Variants in PIEZO1 observed in about 807,000 individuals in gnomAD.
PIEZO1 encodes the protein piezo type mechanosensitive ion channel component 1 (Er blood group), also known as piezo-type mechanosensitive ion channel component 1.
PIEZO1 carries 296 observed loss-of-function variants against 297.2 expected under a neutral mutation model. The ratio of observed to expected loss-of-function variants is 1.00; its 90% CI spans 0.91 to 1.10. The LOEUF (loss-of-function observed/expected upper bound fraction) is 1.10, where lower values mean the gene tolerates loss of function less well. Among genes scored for constraint, PIEZO1 ranks in the 50% least tolerant of loss-of-function variants. The pLI is 0.00. For synonymous variants in PIEZO1, 2,427 were observed against 1,507.5 expected (o/e 1.61, Z -14.13); for missense variants, 5,018 against 3,455.5 (o/e 1.45, Z -11.34).
intron 1 of PIEZO1, among the ~76,000 whole-genome samples, chr16:88,782,119 TC>T (rs1907964464): frequency 6.6e-6 from 1 of 152,200 alleles, no homozygotes; most frequent in African/African-American, 2.4e-5. Context: ...CCCTTTTTTT[TC>T]CTTTTTCTTT....
intron 19 of PIEZO1, chr16:88,732,995 G>C (rs1378744705): frequency 1.7e-6 from 1 of 581,756 alleles, no homozygotes; most frequent in Non-Finnish European, 3.1e-6. Flanking sequence ...AGAGATGCCT[G>C]ACTGTCTCTC....
rs781333252 is a variant in PIEZO1 at position 88,720,651 on chromosome 16, C to A, written c.5766G>T (p.Ala1922=). ...AGAAGCCCTGCAGCCGCCGCCCGGCCGCCCTTACTCTTCCTCCAGAGCGGC... is the reference window on the plus strand; with the variant it reads ...AGAAGCCCTGCAGCCGCCGCCCGGCAGCCCTTACTCTTCCTCCAGAGCGGC... The part of the protein sequence containing the change: ...RPSRSGGRVR[A]AGRRLQGFCL... Residue 1922 remains alanine, a synonymous_variant, in exon 40 of 51, where the codon GCG becomes GCT. Transcript: ENST00000301015. The A allele has an allele frequency of 1.3e-6, 2 of 1,547,912 alleles. No homozygotes were observed. The highest frequency in any genetic ancestry group is 1.7e-6 in the Non-Finnish European group (2 of 1,145,874).
intron 2 of PIEZO1, chr16:88,742,978 G>A: frequency 2.3e-6 from 1 of 444,284 alleles, no homozygotes; most frequent in Admixed American, 2.4e-5. Context: ...GCCTATGCAT[G>A]GTACCCAGTC....
intron 2 of PIEZO1, chr16:88,743,496 A>G (rs1262841023): frequency 4.4e-6 from 2 of 454,188 alleles, no homozygotes; most frequent in Non-Finnish European, 8.9e-6. Context: ...GACAGGTAGC[A>G]TCTGGGTCTG....
Position 88,725,683 on chromosome 16 carries a change from C to G in PIEZO1, c.3970G>C (p.Gly1324Arg). 6.6e-7 allele frequency: 1 copy of G among 1,526,638 alleles called. No individual in the cohort carries two copies. Among genetic ancestry groups the G allele is most frequent in the Non-Finnish European group, 8.9e-7 (1 of 1,125,478 alleles). 94.6% of individuals were successfully genotyped at this position (1,526,638 alleles called of 1,614,324 possible). ...TTGGCAGCGTTGTAGAGGGCGAAGC[C>G]CCTGTAGGGAGGCGGGGATGGGGTG... The part of the protein sequence containing the change: ...LQATALLASR[G>R]FALYNAANLK... Residue 1324 changes from glycine to arginine, a missense_variant and splice_region_variant, in exon 28 of 51, where the codon GGC (glycine) becomes CGC (arginine). Gly to Arg is a moderately radical substitution (Grantham distance 125). Coordinates refer to ENST00000301015, the MANE Select transcript of PIEZO1 (RefSeq NM_001142864.4).
chr16:88,722,120 G>T, intron 36 of PIEZO1, 54 bp from the exon 37 acceptor site: 2 of 1,525,274 alleles, frequency 1.3e-6, no homozygotes, highest in Middle Eastern at 2.3e-4. Flanking sequence ...AAGGCATGAC[G>T]GCCCGATCTG....
At chr16:88,752,422 C>A (rs1262623860) in intron 1 of PIEZO1, among the ~76,000 whole-genome samples, 1 of 152,188 alleles carries the variant, frequency 6.6e-6, no homozygotes, top group East Asian at 1.9e-4. Context: ...GCTGAGGCCG[C>A]AGTGAGCCAT....
chr16:88,717,531 A>T (rs767211731), intron 44 of PIEZO1: 2 of 525,760 alleles, frequency 3.8e-6, no homozygotes, highest in Admixed American at 2.3e-5. Context: ...ATGTGCCAAA[A>T]TTTACCTCAA....
rs141453318 is a variant in PIEZO1 at position 88,762,626 on chromosome 16, G to T, written c.65-13147C>A. Among the ~76,000 whole-genome samples, 161 of 152,338 alleles carry T rather than the reference G, an allele frequency of 1.1e-3. 2 individuals are homozygous for T. Among genetic ancestry groups the T allele is most frequent in the African/African-American group, 3.8e-3 (157 of 41,566 alleles). On this transcript the variant is annotated intron_variant, in intron 1 of 50. Coordinates refer to ENST00000301015, the MANE Select transcript of PIEZO1 (RefSeq NM_001142864.4). Reference sequence around the variant, plus strand: ...CACCCGTGGCAGCCAAGGCAAGGAAGGGGCAGCCTCTCGGGTCTCCCGGCA... The same window carrying T: ...CACCCGTGGCAGCCAAGGCAAGGAATGGGCAGCCTCTCGGGTCTCCCGGCA...
intron 1 of PIEZO1, among the ~76,000 whole-genome samples, chr16:88,769,120 T>C (rs1388865846): frequency 2.0e-5 from 3 of 152,244 alleles, no homozygotes. Context: ...TTGGAATATT[T>C]GCACACGCAT....
At chr16:88,742,882 C>T (rs1054634210) in intron 2 of PIEZO1, 1 of 368,080 alleles carries the variant, frequency 2.7e-6, no homozygotes, top group Non-Finnish European at 5.5e-6. Flanking sequence ...GGGAGCAGGG[C>T]CATGATGGCT....
rs1386090024 is a variant in PIEZO1, at chr16:88,734,510, T to C, written c.2026A>G (p.Ser676Gly). The change falls in exon 16 of 51, where the codon AGC (serine) becomes GGC (glycine). Residue 676 changes from serine (S) to glycine (G), a missense_variant. By Grantham distance (56) the Ser-to-Gly change is moderately conservative (BLOSUM62 0). Transcript: ENST00000301015. ...QLGDLGLEQFSVSELFSSILV... is the reference protein window; with the variant it reads ...QLGDLGLEQFGVSELFSSILV... The stretch of plus-strand genomic sequence containing the variant: ...ATGCTGGAGAAGAGCTCGGACACGC[T>C]GAACTGCTCCAGGCCCAGGTCCCCC... The C allele has an allele frequency of 6.5e-7, 1 of 1,546,726 alleles. No individual in the cohort carries two copies. The highest frequency in any genetic ancestry group is 8.7e-7 in the Non-Finnish European group (1 of 1,145,062).
At chr16:88,742,498 T>G (rs370278438) in intron 2 of PIEZO1, 76 bp from the exon 3 acceptor site, 1 of 1,462,258 alleles carries the variant, frequency 6.8e-7, no homozygotes, top group Non-Finnish European at 9.2e-7. Flanking sequence ...AGCCGGACAA[T>G]AGCCCCCAGC....
At chr16:88,737,491 C>G in intron 10 of PIEZO1, 68 bp downstream of exon 10, 1 of 1,146,250 alleles carries the variant, frequency 8.7e-7, no homozygotes, top group Non-Finnish European at 1.2e-6. Context: ...AGGCGGCCAC[C>G]AGGGGGCAGC....
At chr16:88,760,088 T>TGGCCCACCCA (rs1285185250) in intron 1 of PIEZO1, among the ~76,000 whole-genome samples, 1 of 66,146 alleles carries the variant, frequency 1.5e-5, no homozygotes, top group African/African-American at 8.6e-5. Flanking sequence ...TGGCCCACCC[T>TGGCCCACCCA]CCACAAGCAG....
At position 88,733,351 on chromosome 16, in the gene PIEZO1, A is replaced by T. The variant is rs1317032138; in HGVS notation, c.2591T>A (p.Val864Asp). 1 of 1,550,232 alleles carries T rather than the reference A, an allele frequency of 6.5e-7. No individual in the cohort carries two copies. Among genetic ancestry groups the T allele is most frequent in the South Asian group, 1.2e-5 (1 of 84,068 alleles). ...ASCLSTVWTC[V>D]IIVCKMLYQL... Reference sequence around the variant, plus strand: ...GTACAGCATCTTACACACGATGATGACGCAGGTCCACACGGTGGACAGGCA... The same window carrying T: ...GTACAGCATCTTACACACGATGATGTCGCAGGTCCACACGGTGGACAGGCA... The change falls in exon 19 of 51, where the codon GTC becomes GAC. Residue 864 changes from valine to aspartate, a missense_variant. Val to Asp is a radical substitution (Grantham distance 152). Transcript: ENST00000301015.
intron 1 of PIEZO1, among the ~76,000 whole-genome samples, chr16:88,769,271 CA>C (rs1907314389): frequency 6.6e-6 from 1 of 152,198 alleles, no homozygotes; most frequent in South Asian, 2.1e-4. Flanking sequence ...AGGCTGCTCT[CA>C]AACTCCTGGC....
At position 88,749,441 on chromosome 16, in the gene PIEZO1, G is replaced by A. The variant is rs1489239938; in HGVS notation, c.103C>T (p.Leu35=). The A allele has an allele frequency of 6.6e-7, 1 of 1,524,270 alleles. No homozygotes were observed. The highest frequency in any genetic ancestry group is 2.0e-5 in the Admixed American group (1 of 49,288). 94.4% of individuals were successfully genotyped at this position (1,524,270 alleles called of 1,614,324 possible). A position where few individuals can be genotyped will look rare whatever the true frequency, so the allele number is the denominator to read the frequency against. Residue 35 remains leucine (L), a synonymous_variant, in exon 2 of 51, where the codon CTG becomes TTG. Coordinates refer to ENST00000301015, the MANE Select transcript of PIEZO1 (RefSeq NM_001142864.4). The part of the protein sequence containing the change: ...LRFSGLSLVY[L]LFLLLLPWFP... ...CAGGGCAGCAGCAGCAGGAAGAGCA[G>A]GTAGACCAGCGAGAGTCCGCTGAAG...
chr16:88,717,865 G>A, intron 44 of PIEZO1: 2 of 425,776 alleles, frequency 4.7e-6, no homozygotes. Flanking sequence ...GGGTGTGGCG[G>A]CTCACACTTG....
Sources: gnomAD v4.1 joint callset for allele counts (sites outside exome capture counted in the v4.1 genomes callset) on GRCh38, gnomAD v4.1.1 for gene constraint, MANE v1.5 for transcripts, NCBI Gene and HGNC (gene_info 2026-07-23, HGNC 2026-07-21) for gene names.